Variants in TRAPPC9 observed in about 807,000 individuals in gnomAD.
TRAPPC9 encodes the protein IKK2 binding protein.
In TRAPPC9, 83 loss-of-function variants were observed where a neutral mutation model predicts 124.0. The ratio of observed to expected loss-of-function variants is 0.67; its 90% CI spans 0.56 to 0.80. The LOEUF (loss-of-function observed/expected upper bound fraction) is 0.80. Ranked by LOEUF, TRAPPC9 falls within the 30% of genes least tolerant of loss-of-function variation. TRAPPC9 has a pLI of 0.00. For synonymous variants in TRAPPC9, 638 were observed against 617.5 expected (o/e 1.03, Z -0.49); for missense variants, 1,302 against 1,508.3 (o/e 0.86, Z 2.27).
intron 17 of TRAPPC9, among the ~76,000 whole-genome samples, chr8:140,144,443 A>C (rs935666530): frequency 2.2e-4 from 33 of 150,634 alleles, no homozygotes; most frequent in African/African-American, 7.6e-4. Context: ...ACTGTTGGCT[A>C]ATGAATGAGA....
At position 140,182,362 on chromosome 8, in the gene TRAPPC9, G is replaced by C. The variant is rs55882720; in HGVS notation, c.2556+39097C>G. Among the ~76,000 whole-genome samples, 15,216 of 151,124 alleles carry C rather than the reference G, an allele frequency of 0.1. 1,554 individuals carry two copies. The highest frequency in any genetic ancestry group is 0.26 in the African/African-American group (10,876 of 41,216). On this transcript the variant is annotated intron_variant, in intron 17 of 22. Coordinates refer to ENST00000438773, the MANE Select transcript of TRAPPC9 (RefSeq NM_001160372.4). The surrounding 1 kb of genome is among the most constrained non-coding windows in gnomAD (Gnocchi z 4.0). ...AAAAAAATACGGCTTGGGAATGTTG[G>C]CTTCCAAAAGTAACTGCCCACTACT...
chr8:139,738,855 G>C (rs1252907214), intron 21 of TRAPPC9, among the ~76,000 whole-genome samples: 1 of 152,132 alleles, frequency 6.6e-6, no homozygotes, highest in Non-Finnish European at 1.5e-5. Flanking sequence ...CACTGGGTAG[G>C]GTGCACAGCT....
At chr8:139,920,355 AAAAC>A (rs758916018) in intron 19 of TRAPPC9, among the ~76,000 whole-genome samples, 4 of 152,244 alleles carry the variant, frequency 2.6e-5, no homozygotes, top group South Asian at 2.1e-4. Context: ...CAAGCAAAAC[AAAAC>A]AAACAAACAA....
chr8:139,908,893 G>A (rs929632308), intron 20 of TRAPPC9: 4 of 152,152 alleles, frequency 2.6e-5, no homozygotes, highest in African/African-American at 9.7e-5. Flanking sequence ...GATAAACACC[G>A]GTAACTCCAC....
At chr8:139,845,138 T>C (rs1180692354) in intron 21 of TRAPPC9, among the ~76,000 whole-genome samples, 1 of 152,220 alleles carries the variant, frequency 6.6e-6, no homozygotes, top group Non-Finnish European at 1.5e-5. Flanking sequence ...AAGGAGATAC[T>C]AGGTTTGACC....
At chr8:140,327,008 C>G (rs993569965) in intron 9 of TRAPPC9, among the ~76,000 whole-genome samples, 1 of 152,078 alleles carries the variant, frequency 6.6e-6, no homozygotes, top group African/African-American at 2.4e-5. Context: ...TCCCAGCACT[C>G]TGGGAGGCTG....
intron 20 of TRAPPC9, among the ~76,000 whole-genome samples, chr8:139,889,686 C>T (rs1476359487): frequency 6.6e-6 from 1 of 152,162 alleles, no homozygotes; most frequent in Non-Finnish European, 1.5e-5. Flanking sequence ...AATTAGGAAG[C>T]AGAGCGACGC....
intron 19 of TRAPPC9, among the ~76,000 whole-genome samples, chr8:139,937,830 G>A (rs940120061): frequency 1.3e-5 from 2 of 152,152 alleles, no homozygotes; most frequent in African/African-American, 2.4e-5. Flanking sequence ...TCTGGCCAGC[G>A]CTTGACAAAG....
chr8:139,845,146 A>T (rs1043028573), intron 21 of TRAPPC9, among the ~76,000 whole-genome samples: 1 of 152,128 alleles, frequency 6.6e-6, no homozygotes, highest in Non-Finnish European at 1.5e-5. Flanking sequence ...ACTAGGTTTG[A>T]CCCTTGGTTT....
chr8:140,157,454 C>A (rs545716940), intron 17 of TRAPPC9, among the ~76,000 whole-genome samples: 12 of 152,182 alleles, frequency 7.9e-5, no homozygotes, highest in African/African-American at 2.9e-4. Flanking sequence ...AGGGAGGAAC[C>A]AATCCACCCT....
intron 21 of TRAPPC9, among the ~76,000 whole-genome samples, chr8:139,732,575 C>T (rs1169501673): frequency 1.3e-5 from 2 of 152,222 alleles, no homozygotes; most frequent in Admixed American, 6.5e-5. Context: ...GCCCTACAGG[C>T]CCTAAAGTGC....
At chr8:140,225,688 C>T (rs1422928870) in intron 16 of TRAPPC9, among the ~76,000 whole-genome samples, 6 of 152,148 alleles carry the variant, frequency 3.9e-5, no homozygotes, top group Non-Finnish European at 8.8e-5. Context: ...TATGAAAGAC[C>T]ACTCAATGTG....
intron 2 of TRAPPC9, among the ~76,000 whole-genome samples, chr8:140,446,961 G>T (rs1448404787): frequency 6.6e-6 from 1 of 152,112 alleles, no homozygotes; most frequent in Admixed American, 6.6e-5. Context: ...AGCTCCCCTG[G>T]CCACCAGCAC....
chr8:139,751,006 A>G (rs1819274703), intron 21 of TRAPPC9, among the ~76,000 whole-genome samples: 1 of 152,226 alleles, frequency 6.6e-6, no homozygotes, highest in Non-Finnish European at 1.5e-5. Flanking sequence ...CAGACAGCCA[A>G]GCACAAGGGG....
chr8:140,349,265 C>G (rs552100259), intron 9 of TRAPPC9, among the ~76,000 whole-genome samples: 33 of 111,314 alleles, frequency 3.0e-4, no homozygotes, highest in African/African-American at 1.2e-3. Context: ...CAGAGGGGGG[C>G]CGATGGGGGC....
chr8:139,798,139 G>C (rs1823232364), intron 21 of TRAPPC9, among the ~76,000 whole-genome samples: 2 of 151,884 alleles, frequency 1.3e-5, no homozygotes, highest in African/African-American at 4.8e-5. Context: ...ATGAACACAG[G>C]GTGTCTATTT....
chr8:140,205,247 G>A (rs2062893444), intron 17 of TRAPPC9, among the ~76,000 whole-genome samples: 1 of 152,158 alleles, frequency 6.6e-6, no homozygotes, highest in African/African-American at 2.4e-5. Context: ...CCAAAAGCAT[G>A]GATAAGTCAT....
intron 19 of TRAPPC9, among the ~76,000 whole-genome samples, chr8:139,937,305 T>C (rs928887228): frequency 9.2e-5 from 14 of 152,128 alleles, no homozygotes; most frequent in African/African-American, 2.9e-4. Flanking sequence ...CAGATAGCAA[T>C]ATGGGTGCGG....
intron 16 of TRAPPC9, among the ~76,000 whole-genome samples, chr8:140,245,467 GT>G (rs1563877944): frequency 4.9e-5 from 3 of 61,098 alleles, no homozygotes; most frequent in South Asian, 6.0e-4. Flanking sequence ...GTTTTGTGGT[GT>G]GTGTGTGTGT....
Sources: allele counts gnomAD v4.1 joint callset (sites outside exome capture counted in the v4.1 genomes callset), GRCh38; gene constraint gnomAD v4.1.1; non-coding constraint Gnocchi (gnomAD v3.1); transcripts MANE v1.5; gene names NCBI Gene and HGNC (gene_info 2026-07-23, HGNC 2026-07-21).